TBC1D12: variants seen among roughly 807,000 people sequenced by gnomAD.
TBC1D12 encodes TBC1 domain family, member 12.
A neutral mutation model predicts 86.7 loss-of-function variants in TBC1D12; 56 were observed. The observed-to-expected ratio is 0.65, with a 90% CI of 0.52 to 0.81. The LOEUF is 0.81. Ranked by LOEUF, TBC1D12 falls within the 30% of genes least tolerant of loss-of-function variation. The pLI is 0.00. For synonymous variants in TBC1D12, 421 were observed against 411.7 expected (o/e 1.02, Z -0.27); for missense variants, 1,023 against 1,038.8 (o/e 0.98, Z 0.21).
intron 2 of TBC1D12, among the ~76,000 whole-genome samples, chr10:94,471,961 G>T (rs1190144165): frequency 2.2e-4 from 34 of 152,232 alleles, no homozygotes; most frequent in Non-Finnish European, 2.9e-5. Flanking sequence ...TTCAAGAATG[G>T]TAGTGTATAC....
Position 94,403,472 on chromosome 10 carries a change from G to C in TBC1D12, c.859G>C (p.Asp287His). ...GGTGAGCCGCGGTCAGAGCGCCCGC[G>C]ATCACCTGCCCCCGGCGGGGCCGCC... Reference protein sequence around the residue: ...FQVSRGQSARDHLPPAGPPVP... With the variant: ...FQVSRGQSARHHLPPAGPPVP... Residue 287 changes from aspartate (D) to histidine (H), a missense_variant, in exon 1 of 13, where the codon GAT becomes CAT. Asp to His is a moderately conservative substitution (Grantham distance 81, BLOSUM62 -1). Around this residue, in one of 2 missense-constraint regions of TBC1D12, gnomAD observed 628 missense variants for 531.1 expected, o/e 1.18. Coordinates refer to ENST00000225235, the MANE Select transcript of TBC1D12 (RefSeq NM_015188.2). The C allele has an allele frequency of 1.3e-6, 2 of 1,542,850 alleles. No homozygotes were observed. The highest frequency in any genetic ancestry group is 1.7e-6 in the Non-Finnish European group (2 of 1,145,072).
chr10:94,476,082 C>T (rs1361158356), intron 3 of TBC1D12, among the ~76,000 whole-genome samples: 10 of 152,052 alleles, frequency 6.6e-5, no homozygotes, highest in Non-Finnish European at 1.3e-4. Flanking sequence ...CAGGACTACA[C>T]GCGCACACCA....
intron 3 of TBC1D12, among the ~76,000 whole-genome samples, chr10:94,483,620 C>T (rs981701413): frequency 6.6e-6 from 1 of 152,086 alleles, no homozygotes; most frequent in Admixed American, 6.5e-5. Context: ...AGCTTTATCC[C>T]TGTGGATATA....
chr10:94,427,322 C>A lies in TBC1D12; in HGVS notation c.972-14574C>A, dbSNP rs190387912. Among the ~76,000 whole-genome samples the A allele has an allele frequency of 1.5e-3, 233 of 152,168 alleles. 1 individual carries two copies. The highest frequency in any genetic ancestry group is 2.7e-3 in the Non-Finnish European group (186 of 67,992). ...CGCTTGTGTGCTTATCCTAAAAGTT[C>A]TTTTCTATATCCTTCCTCTTTTCTT... On this transcript the variant is annotated intron_variant, in intron 1 of 12. Coordinates refer to ENST00000225235, the MANE Select transcript of TBC1D12 (RefSeq NM_015188.2).
intron 1 of TBC1D12, among the ~76,000 whole-genome samples, chr10:94,431,093 A>G (rs1180639703): frequency 6.6e-6 from 1 of 152,132 alleles, no homozygotes; most frequent in Non-Finnish European, 1.5e-5. Context: ...TTATGTGCTA[A>G]CAAGATGTAT....
intron 11 of TBC1D12, among the ~76,000 whole-genome samples, chr10:94,524,514 G>T (rs895044193): frequency 6.6e-6 from 1 of 152,096 alleles, no homozygotes; most frequent in African/African-American, 2.4e-5. Flanking sequence ...GCCGAGGCAG[G>T]CGGATCACGA....
In TBC1D12 at chr10:94,510,119, T is replaced by C; in HGVS notation, c.1629T>C (p.Ser543=). The change falls in exon 8 of 13, where the codon AGT becomes AGC. Residue 543 remains serine (S), a synonymous_variant. Coordinates refer to ENST00000225235, the MANE Select transcript of TBC1D12 (RefSeq NM_015188.2). ...TATCTGTTGCTGATCGAGAGGCCAGTCTGGAATTAATTAAGTTGGACATAT... is the reference window on the plus strand; with the variant it reads ...TATCTGTTGCTGATCGAGAGGCCAGCCTGGAATTAATTAAGTTGGACATAT... ...EGVSVADREA[S]LELIKLDISR... The C allele has an allele frequency of 6.2e-7, 1 of 1,610,032 alleles. No individual in the cohort carries two copies. Among genetic ancestry groups the C allele is most frequent in the Non-Finnish European group, 8.5e-7 (1 of 1,179,098 alleles).
chr10:94,428,079 G>A (rs2055170590), intron 1 of TBC1D12, among the ~76,000 whole-genome samples: 2 of 151,968 alleles, frequency 1.3e-5, no homozygotes, highest in South Asian at 4.1e-4. Flanking sequence ...CTTACATCTT[G>A]ATTGTTGTAT....
At chr10:94,468,994 T>A (rs1258969637) in intron 2 of TBC1D12, among the ~76,000 whole-genome samples, 1 of 152,204 alleles carries the variant, frequency 6.6e-6, no homozygotes, top group Non-Finnish European at 1.5e-5. Context: ...CAGAAGAAAG[T>A]AAGTTCATTG....
chr10:94,482,862 A>G (rs2056097935), intron 3 of TBC1D12, among the ~76,000 whole-genome samples: 1 of 152,004 alleles, frequency 6.6e-6, no homozygotes, highest in East Asian at 1.9e-4. Flanking sequence ...TGTGATTTCA[A>G]TTGTTTTACT....
chr10:94,497,940 A>C (rs1197696372), intron 5 of TBC1D12, among the ~76,000 whole-genome samples: 3 of 148,622 alleles, frequency 2.0e-5, no homozygotes, highest in Non-Finnish European at 4.4e-5. Flanking sequence ...CTCCCACCTC[A>C]GCCTCCCGAG....
chr10:94,475,405 ATGTT>A lies in TBC1D12; in HGVS notation c.1211+632_1211+635del, dbSNP rs958953354. 2.0e-5 allele frequency among the ~76,000 whole-genome samples: 3 copies of A among 151,996 alleles called. No homozygotes were observed. The East Asian group carries it at 5.8e-4, about 29-fold the overall frequency. ...TTAAGAATACATTTCTTATTTATTT[ATGTT>A]TGTTTGTTTTGTTTTATTTATTTTT... On this transcript the variant is annotated intron_variant, in intron 3 of 12. Transcript: ENST00000225235.
At chr10:94,502,988 C>G (rs1365928733) in intron 6 of TBC1D12, among the ~76,000 whole-genome samples, 1 of 152,186 alleles carries the variant, frequency 6.6e-6, no homozygotes. Context: ...TGTGCATCTA[C>G]ATATGATCAA....
intron 3 of TBC1D12, among the ~76,000 whole-genome samples, chr10:94,492,672 C>T (rs1047209690): frequency 2.0e-5 from 3 of 152,046 alleles, no homozygotes; most frequent in African/African-American, 7.2e-5. Flanking sequence ...CAAAAAAAGC[C>T]AGACACAAGA....
chr10:94,522,781 C>T (rs1842184793), intron 11 of TBC1D12, among the ~76,000 whole-genome samples: 1 of 151,964 alleles, frequency 6.6e-6, no homozygotes, highest in African/African-American at 2.4e-5. Context: ...CTTGGCCAGG[C>T]ACGGTGGCTC....
Position 94,474,710 on chromosome 10 carries a change from C to G in TBC1D12, c.1138C>G (p.Gln380Glu). ...RTGRTCKPPP[Q>E]SSRRKNFEFE... ...GGGGAGGACCTGTAAACCACCACCT[C>G]AGTCTTCAAGACGCAAGAATTTTGA... The change falls in exon 3 of 13, where the codon CAG (glutamine) becomes GAG (glutamate). Residue 380 changes from glutamine to glutamate, a missense_variant. Coordinates refer to ENST00000225235, the MANE Select transcript of TBC1D12 (RefSeq NM_015188.2). The G allele has an allele frequency of 1.9e-6, 3 of 1,614,070 alleles. No individual in the cohort carries two copies. The highest frequency in any genetic ancestry group is 2.5e-6 in the Non-Finnish European group (3 of 1,179,992).
At chr10:94,460,784 T>C (rs1306395128) in intron 2 of TBC1D12, among the ~76,000 whole-genome samples, 1 of 152,120 alleles carries the variant, frequency 6.6e-6, no homozygotes, top group African/African-American at 2.4e-5. Flanking sequence ...TCCCAGTCTT[T>C]TTTCTCTTTG....
chr10:94,464,676 A>G (rs374695493), intron 2 of TBC1D12, among the ~76,000 whole-genome samples: 2 of 152,122 alleles, frequency 1.3e-5, no homozygotes, highest in East Asian at 3.8e-4. Context: ...TTGGATTCTT[A>G]ATTAATAAAG....
intron 2 of TBC1D12, 57 bp downstream of exon 2, chr10:94,442,076 CTTCTTCT>C (rs986511203): frequency 2.2e-6 from 3 of 1,368,816 alleles, no homozygotes; most frequent in African/African-American, 3.7e-5. Context: ...TCTTCTTCTT[CTTCTTCT>C]TTTTTTTTTT....
Sources: gnomAD v4.1 joint callset for allele counts (sites outside exome capture counted in the v4.1 genomes callset) on GRCh38, gnomAD v4.1.1 for gene constraint, gnomAD v4.1.1 regional missense constraint, MANE v1.5 for transcripts, NCBI Gene and HGNC (gene_info 2026-07-23, HGNC 2026-07-21) for gene names.